Variants in DCC observed in about 807,000 individuals in gnomAD.
The protein encoded by DCC is netrin receptor DCC.
DCC carries 58 observed loss-of-function variants against 172.5 expected under a neutral mutation model. The observed-to-expected ratio is 0.34, with a 90% CI of 0.27 to 0.42. The LOEUF (loss-of-function observed/expected upper bound fraction) is 0.42. DCC is among the 10% of genes least tolerant of loss of function. The pLI is 1.00. For synonymous variants in DCC, 709 were observed against 644.5 expected (o/e 1.10, Z -1.52); for missense variants, 1,740 against 1,791.0 (o/e 0.97, Z 0.51).
chr18:52,626,479 T>C (rs1243781167), intron 1 of DCC, among the ~76,000 whole-genome samples: 1 of 152,100 alleles, frequency 6.6e-6, no homozygotes, highest in Non-Finnish European at 1.5e-5. Flanking sequence ...CTGTAGTCAT[T>C]CCTAATATAC....
At chr18:53,471,030 A>G (rs913723966) in intron 25 of DCC, among the ~76,000 whole-genome samples, 1 of 152,126 alleles carries the variant, frequency 6.6e-6, no homozygotes. Flanking sequence ...ACATTTCCCA[A>G]ATTTGACCAC....
intron 2 of DCC, chr18:52,757,189 G>T (rs1458855501): frequency 1.3e-5 from 2 of 152,156 alleles, no homozygotes; most frequent in Non-Finnish European, 2.9e-5. Flanking sequence ...AATACAGTTT[G>T]TACTGACCAG....
At chr18:52,891,255 T>C (rs2039646383) in intron 2 of DCC, among the ~76,000 whole-genome samples, 1 of 152,100 alleles carries the variant, frequency 6.6e-6, no homozygotes, top group South Asian at 2.1e-4. Flanking sequence ...TGGTGAACTC[T>C]GCATTTTCTA....
At chr18:53,491,619 T>C (rs1742895605) in intron 26 of DCC, among the ~76,000 whole-genome samples, 1 of 152,182 alleles carries the variant, frequency 6.6e-6, no homozygotes, top group Admixed American at 6.5e-5. Flanking sequence ...GTTAGTTTGC[T>C]GAGAATGATG....
chr18:52,721,429 T>C (rs2036472532), intron 1 of DCC, among the ~76,000 whole-genome samples: 1 of 152,176 alleles, frequency 6.6e-6, no homozygotes, highest in Non-Finnish European at 1.5e-5. Flanking sequence ...TACAGTTCTG[T>C]TTGTTCCAAA....
At position 52,798,037 on chromosome 18, in the gene DCC, G is replaced by A. The variant is rs547904795; in HGVS notation, c.412+45663G>A. 5.3e-5 allele frequency among the ~76,000 whole-genome samples: 8 copies of A among 150,062 alleles called. No individual in the cohort carries two copies. The East Asian group carries it at 9.7e-4, about 18-fold the overall frequency. The stretch of plus-strand genomic sequence containing the variant: ...GGGAAGATTAATCCCCAGATGCCAG[G>A]TTGCTTGCACGAAGGTTGCTTGCAC... On this transcript the variant is annotated intron_variant, in intron 2 of 28. Coordinates refer to ENST00000442544, the MANE Select transcript of DCC (RefSeq NM_005215.4).
At chr18:52,770,250 T>C (rs1274397535) in intron 2 of DCC, among the ~76,000 whole-genome samples, 1 of 152,208 alleles carries the variant, frequency 6.6e-6, no homozygotes, top group African/African-American at 2.4e-5. Flanking sequence ...CTTGAGCATG[T>C]CTCACTTCCT....
At chr18:53,366,082 G>C (rs2058001772) in intron 15 of DCC, among the ~76,000 whole-genome samples, 1 of 151,814 alleles carries the variant, frequency 6.6e-6, no homozygotes, top group African/African-American at 2.4e-5. Flanking sequence ...TTGAGACAGG[G>C]TTTCACTCTT....
chr18:53,220,176 T>A (rs533391233), intron 12 of DCC, among the ~76,000 whole-genome samples: 1 of 152,272 alleles, frequency 6.6e-6, no homozygotes, highest in African/African-American at 2.4e-5. Context: ...AGATCCTCTG[T>A]GTCTGGGGTA....
At chr18:52,718,132 T>C (rs569578211) in intron 1 of DCC, among the ~76,000 whole-genome samples, 1 of 152,304 alleles carries the variant, frequency 6.6e-6, no homozygotes, top group Admixed American at 6.5e-5. Context: ...TGGCTCACTT[T>C]GGTAAGATTT....
chr18:52,762,663 A>G (rs2037182129), intron 2 of DCC, among the ~76,000 whole-genome samples: 1 of 151,938 alleles, frequency 6.6e-6, no homozygotes, highest in African/African-American at 2.4e-5. Context: ...ATCTCTACAT[A>G]AGATTTAAAA....
At chr18:52,897,025 C>G (rs902360833) in intron 2 of DCC, among the ~76,000 whole-genome samples, 5 of 152,190 alleles carry the variant, frequency 3.3e-5, no homozygotes, top group Non-Finnish European at 1.5e-5. Flanking sequence ...CTGAATTACT[C>G]CATGGCTTTG....
chr18:53,001,087 C>A (rs148502923), intron 5 of DCC, among the ~76,000 whole-genome samples: 1 of 151,922 alleles, frequency 6.6e-6, no homozygotes, highest in African/African-American at 2.4e-5. Flanking sequence ...ATTTGCAAAA[C>A]GACTCCCGCC....
chr18:52,723,548 C>T (rs976434647), intron 1 of DCC, among the ~76,000 whole-genome samples: 7 of 152,116 alleles, frequency 4.6e-5, no homozygotes, highest in Admixed American at 2.0e-4. Context: ...CAAAGGGACA[C>T]GAACACCATA....
intron 1 of DCC, among the ~76,000 whole-genome samples, chr18:52,636,786 C>T (rs919538810): frequency 2.0e-5 from 3 of 152,138 alleles, no homozygotes; most frequent in Non-Finnish European, 2.9e-5. Flanking sequence ...TCTAGGGCCC[C>T]GCCCAACCAC....
At chr18:53,272,673 A>C (rs980284792) in intron 12 of DCC, among the ~76,000 whole-genome samples, 4 of 152,158 alleles carry the variant, frequency 2.6e-5, no homozygotes, top group African/African-American at 9.6e-5. Context: ...TGGACCACAC[A>C]GAGTTGTAAG....
chr18:52,677,484 T>G (rs1246222518), intron 1 of DCC, among the ~76,000 whole-genome samples: 1 of 151,922 alleles, frequency 6.6e-6, no homozygotes, highest in African/African-American at 2.4e-5. Flanking sequence ...TGCTTCTTTT[T>G]TTATATATAT....
chr18:53,229,788 A>G (rs963388260), intron 12 of DCC, among the ~76,000 whole-genome samples: 5 of 152,150 alleles, frequency 3.3e-5, no homozygotes, highest in Non-Finnish European at 7.4e-5. Flanking sequence ...AGTTTAAAGA[A>G]AGGAAAAAAG....
intron 1 of DCC, among the ~76,000 whole-genome samples, chr18:52,652,536 G>C (rs1004348829): frequency 6.6e-6 from 1 of 152,024 alleles, no homozygotes; most frequent in Non-Finnish European, 1.5e-5. Context: ...CTAATAACAT[G>C]GGACAGTAGA....
Sources: allele counts gnomAD v4.1 joint callset (sites outside exome capture counted in the v4.1 genomes callset), GRCh38; gene constraint gnomAD v4.1.1; transcripts MANE v1.5; gene names NCBI Gene and HGNC (gene_info 2026-07-23, HGNC 2026-07-21).